SCG3: variants seen among roughly 807,000 people sequenced by gnomAD.
SCG3 encodes secretogranin-3.
In SCG3, 38 loss-of-function variants were observed where a neutral mutation model predicts 56.2. That is an observed-to-expected ratio of 0.68 (90% confidence interval 0.52 to 0.89). The LOEUF (loss-of-function observed/expected upper bound fraction) is 0.89. SCG3 is among the 40% of genes least tolerant of loss of function. The pLI is 0.00. For missense variants in SCG3, 524 were observed against 540.7 expected (o/e 0.97, Z 0.31); for synonymous variants, 176 against 184.2 (o/e 0.96, Z 0.36).
At chr15:51,692,907 T>G (rs2055277261) in intron 7 of SCG3, among the ~76,000 whole-genome samples, 1 of 152,116 alleles carries the variant, frequency 6.6e-6, no homozygotes, top group African/African-American at 2.4e-5. Flanking sequence ...TGAGAACACT[T>G]AAGACCTACC....
At chr15:51,717,525 C>G (rs1198401474) in intron 11 of SCG3, among the ~76,000 whole-genome samples, 1 of 122,346 alleles carries the variant, frequency 8.2e-6, no homozygotes, top group African/African-American at 3.2e-5. Context: ...ACAGTGAGAC[C>G]CTGTCAAAAA....
chr15:51,701,111 A>G lies in SCG3; in HGVS notation c.1074A>G (p.Pro358=). The G allele has an allele frequency of 1.2e-6, 2 of 1,613,854 alleles. No individual in the cohort carries two copies. The highest frequency in any genetic ancestry group is 1.7e-6 in the Non-Finnish European group (2 of 1,179,960). Residue 358 remains proline, a synonymous_variant, in exon 10 of 12, where the codon CCA becomes CCG. Transcript: ENST00000220478. The stretch of plus-strand genomic sequence containing the variant: ...CAATGCTCAATCTGATTACAGCACC[A>G]TCAGAGAAGAGTCATGAAGAAACAG... The part of the protein sequence containing the change: ...TDNISKLFPA[P]SEKSHEETDS...
chr15:51,712,806 C>T (rs1003072516), intron 10 of SCG3, among the ~76,000 whole-genome samples: 52 of 152,176 alleles, frequency 3.4e-4, no homozygotes, highest in African/African-American at 1.2e-3. Flanking sequence ...CACTGGTCGC[C>T]TCTTTGTCTA....
At chr15:51,685,292 A>C (rs1469005874) in intron 4 of SCG3, among the ~76,000 whole-genome samples, 1 of 152,240 alleles carries the variant, frequency 6.6e-6, no homozygotes, top group African/African-American at 2.4e-5. Context: ...AACCACTTCA[A>C]CTGAAGTGAT....
chr15:51,718,880 A>C (rs2055477023), intron 11 of SCG3, among the ~76,000 whole-genome samples: 1 of 152,150 alleles, frequency 6.6e-6, no homozygotes, highest in Admixed American at 6.5e-5. Context: ...ACATGGACTT[A>C]AACCTAGTAT....
At chr15:51,695,769 A>G in intron 7 of SCG3, 106 bp from the exon 8 acceptor site, 4 of 723,280 alleles carry the variant, frequency 5.5e-6, no homozygotes, top group Non-Finnish European at 9.4e-6. Context: ...TTTGAAAAAA[A>G]AAAAAAACCC....
intron 10 of SCG3, 194 bp from the exon 11 acceptor site, chr15:51,713,139 T>C (rs1225582940): frequency 7.7e-6 from 3 of 391,100 alleles, no homozygotes; most frequent in Admixed American, 1.0e-4. Context: ...CCGCACCTGC[T>C]CTCCTTGACC....
chr15:51,684,023 C>T (rs2055212671), intron 4 of SCG3, among the ~76,000 whole-genome samples: 1 of 152,190 alleles, frequency 6.6e-6, no homozygotes, highest in Non-Finnish European at 1.5e-5. Context: ...CATGATTAAA[C>T]TCATAATCTG....
At chr15:51,684,249 T>G (rs560176603) in intron 4 of SCG3, among the ~76,000 whole-genome samples, 3 of 152,292 alleles carry the variant, frequency 2.0e-5, no homozygotes, top group African/African-American at 4.8e-5. Context: ...TTGTCCAAGC[T>G]CCAATTATGT....
At chr15:51,692,565 A>G (rs2055274640) in intron 7 of SCG3, among the ~76,000 whole-genome samples, 1 of 152,226 alleles carries the variant, frequency 6.6e-6, no homozygotes, top group Non-Finnish European at 1.5e-5. Context: ...TCTTGTTAAC[A>G]GAAGGTTCAT....
chr15:51,700,981 T>A, intron 9 of SCG3, 126 bp from the exon 10 acceptor site: 1 of 1,207,670 alleles, frequency 8.3e-7, no homozygotes, highest in Non-Finnish European at 1.2e-6. Flanking sequence ...AGCACTAAGA[T>A]CCCTTTCAAC....
At chr15:51,715,861 CTT>C (rs34085691) in intron 11 of SCG3, among the ~76,000 whole-genome samples, 6 of 145,070 alleles carry the variant, frequency 4.1e-5, no homozygotes, top group African/African-American at 5.0e-5. Flanking sequence ...GGAGTCTGCA[CTT>C]TTTTTTTTTT....
chr15:51,704,764 C>CATATATATATAT (rs56192434), intron 10 of SCG3, among the ~76,000 whole-genome samples: 1,304 of 66,836 alleles, frequency 0.02, 146 homozygotes, highest in South Asian at 0.027. Flanking sequence ...GTGAGTAATA[C>CATATATATATAT]ATATATATAT....
At chr15:51,701,460 T>C (rs548467106) in intron 10 of SCG3, among the ~76,000 whole-genome samples, 19 of 152,264 alleles carry the variant, frequency 1.2e-4, no homozygotes, top group Non-Finnish European at 2.2e-4. Flanking sequence ...CATCTTTTGA[T>C]AGTCTTTAGT....
At chr15:51,692,425 T>C in intron 7 of SCG3, 89 bp downstream of exon 7, 10 of 1,271,110 alleles carry the variant, frequency 7.9e-6, no homozygotes, top group Non-Finnish European at 1.1e-5. Context: ...GTTTTCAGTT[T>C]CCAAATGTAA....
intron 10 of SCG3, among the ~76,000 whole-genome samples, chr15:51,702,847 C>A (rs1243484015): frequency 6.6e-6 from 1 of 152,178 alleles, no homozygotes; most frequent in Non-Finnish European, 1.5e-5. Context: ...ATATTGGCAT[C>A]TTTGATATAA....
At chr15:51,701,341 T>C (rs2055338549) in intron 10 of SCG3, 97 bp downstream of exon 10, 1 of 1,258,940 alleles carries the variant, frequency 7.9e-7, no homozygotes, top group Admixed American at 2.5e-5. Flanking sequence ...CTCCATCACA[T>C]CTGAGAAATT....
At chr15:51,689,187 G>C in intron 5 of SCG3, 32 bp from the exon 6 acceptor site, 1 of 1,602,080 alleles carries the variant, frequency 6.2e-7, no homozygotes, top group Non-Finnish European at 8.5e-7. Flanking sequence ...TGGGAATATA[G>C]CAGTTATATA....
At chr15:51,714,678 C>T (rs895697890) in intron 11 of SCG3, among the ~76,000 whole-genome samples, 1 of 152,202 alleles carries the variant, frequency 6.6e-6, no homozygotes. Flanking sequence ...ATTTTTTCAA[C>T]TCCCCAGGTT....
Sources: gnomAD v4.1 joint callset for allele counts (sites outside exome capture counted in the v4.1 genomes callset) on GRCh38, gnomAD v4.1.1 for gene constraint, MANE v1.5 for transcripts, NCBI Gene and HGNC (gene_info 2026-07-23, HGNC 2026-07-21) for gene names.